BRMS1L: variants seen among roughly 807,000 people sequenced by gnomAD.
BRMS1L encodes BRMS1 like transcriptional repressor, also known as breast cancer metastasis-suppressor 1-like protein.
Under a neutral mutation model 50.3 loss-of-function variants are expected in BRMS1L, and 23 were observed. The observed-to-expected ratio is 0.46, with a 90% CI of 0.33 to 0.65. BRMS1L has a LOEUF of 0.65. Among genes scored for constraint, BRMS1L ranks in the 30% least tolerant of loss-of-function variants. The pLI is 0.02. For missense variants in BRMS1L, 286 were observed against 386.1 expected (o/e 0.74, Z 2.17); for synonymous variants, 114 against 126.9 (o/e 0.90, Z 0.69).
At chr14:35,839,914 C>T (rs1233426798) in intron 4 of BRMS1L, among the ~76,000 whole-genome samples, 1 of 152,034 alleles carries the variant, frequency 6.6e-6, no homozygotes, top group Admixed American at 6.6e-5. Flanking sequence ...ATGTCGAATA[C>T]GAGTGGTGAG....
intron 4 of BRMS1L, among the ~76,000 whole-genome samples, chr14:35,851,598 T>G (rs1334278370): frequency 6.6e-6 from 1 of 152,254 alleles, no homozygotes; most frequent in Non-Finnish European, 1.5e-5. Context: ...CATGTGGTTT[T>G]AATTTTTAAG....
chr14:35,831,262 C>A, intron 1 of BRMS1L, 148 bp from the exon 2 acceptor site: 1 of 592,574 alleles, frequency 1.7e-6, no homozygotes, highest in Non-Finnish European at 3.0e-6. Flanking sequence ...TTTGATAAAT[C>A]TTGTTTATTT....
chr14:35,856,611 T>TGC (rs1555315092), intron 4 of BRMS1L, among the ~76,000 whole-genome samples: 28 of 149,414 alleles, frequency 1.9e-4, no homozygotes, highest in African/African-American at 6.8e-4. Context: ...TACATTTTTT[T>TGC]GGGGGGGGGT....
intron 4 of BRMS1L, among the ~76,000 whole-genome samples, chr14:35,853,617 A>G (rs2078242557): frequency 1.3e-5 from 2 of 152,054 alleles, no homozygotes; most frequent in African/African-American, 4.8e-5. Flanking sequence ...GTACAGGCAC[A>G]GTCTCGCTAT....
intron 4 of BRMS1L, among the ~76,000 whole-genome samples, chr14:35,860,446 T>C (rs2078334676): frequency 6.6e-6 from 1 of 152,148 alleles, no homozygotes; most frequent in Non-Finnish European, 1.5e-5. Context: ...CCTAAACTCA[T>C]TTTTCTCTTG....
At position 35,833,649 on chromosome 14, in the gene BRMS1L, A is replaced by G. The variant is rs1010871329; in HGVS notation, c.361+544A>G. ...AGATGCACTATATTTGTATGGTTAC[A>G]TTTCAGTCTTATGTTTGTAAATAGG... On this transcript the variant is annotated intron_variant, in intron 3 of 9. Coordinates refer to ENST00000216807, the MANE Select transcript of BRMS1L (RefSeq NM_032352.4). Among the ~76,000 whole-genome samples, 31 of 152,170 alleles carry G rather than the reference A, an allele frequency of 2.0e-4. 1 individual carries two copies. Among genetic ancestry groups the G allele is most frequent in the Admixed American group, 2.0e-3 (31 of 15,276 alleles).
chr14:35,864,970 A>G lies in BRMS1L; in HGVS notation c.658A>G (p.Ile220Val). 2 of 1,583,950 alleles carry G rather than the reference A, an allele frequency of 1.3e-6. No homozygotes were observed. Among genetic ancestry groups the G allele is most frequent in the Non-Finnish European group, 1.7e-6 (2 of 1,167,898 alleles). Residue 220 changes from isoleucine (I) to valine (V), a missense_variant, in exon 7 of 10, where the codon ATT (isoleucine) becomes GTT (valine). Coordinates refer to ENST00000216807, the MANE Select transcript of BRMS1L (RefSeq NM_032352.4). ...YIVYMLQDLDILEDWTTIRKA... is the reference protein window; with the variant it reads ...YIVYMLQDLDVLEDWTTIRKA... ...AGTTTATATGCTACAAGATCTTGAT[A>G]TTCTTGAAGACTGGACAACAATTAG...
In BRMS1L at chr14:35,833,005, G is replaced by A. The variant is rs1165627891; in HGVS notation, c.261G>A (p.Val87=). The change falls in exon 3 of 10, where the codon GTG becomes GTA. Residue 87 remains valine (V), a synonymous_variant. Transcript: ENST00000216807. ...TTTATAAAGAACGATTAAGTCAGGT[G>A]GATGCAAAACTACAAGAAGTCATAG... ...DQLYKERLSQ[V]DAKLQEVIAG... is the part of the protein sequence containing the mutation. 6.2e-6 allele frequency: 10 copies of A among 1,612,640 alleles called. No homozygotes were observed. Among genetic ancestry groups the A allele is most frequent in the African/African-American group, 1.3e-5 (1 of 74,876 alleles).
rs1567296200 is a variant in BRMS1L at position 35,826,561 on chromosome 14, C to T, written c.45C>T (p.His15=). 3 of 1,606,240 alleles carry T rather than the reference C, an allele frequency of 1.9e-6. No individual in the cohort carries two copies. Among genetic ancestry groups the T allele is most frequent in the East Asian group, 2.2e-5 (1 of 44,614 alleles). Reference sequence around the variant, plus strand: ...GGGATAAGAAGGAGACCAACCATCACGATGAGATGGAGGTGGACTACGCCG... The same window carrying T: ...GGGATAAGAAGGAGACCAACCATCATGATGAGATGGAGGTGGACTACGCCG... The part of the protein sequence containing the change: ...SRGDKKETNH[H]DEMEVDYAEN... The change falls in exon 1 of 10, where the codon CAC becomes CAT. Residue 15 remains histidine (H), a synonymous_variant. Transcript: ENST00000216807.
In BRMS1L at chr14:35,833,084, C is replaced by G. The variant is rs765795127; in HGVS notation, c.340C>G (p.Gln114Glu). 43 of 1,612,250 alleles carry G rather than the reference C, an allele frequency of 2.7e-5. No homozygotes were observed. The highest frequency in any genetic ancestry group is 5.1e-6 in the Non-Finnish European group (6 of 1,179,010). Residue 114 changes from glutamine to glutamate, a missense_variant, in exon 3 of 10, where the codon CAA becomes GAA. By Grantham distance (29) the Gln-to-Glu change is conservative (BLOSUM62 2). Transcript: ENST00000216807. ...EPLATLQENMQIRTKVAGIYR... is the reference protein window; with the variant it reads ...EPLATLQENMEIRTKVAGIYR... ...GCTGGCAACTTTACAGGAAAATATG[C>G]AAATTCGTACAAAGGTAGCAGGTAG...
Position 35,833,715 on chromosome 14 carries a change from G to GAT in BRMS1L, c.361+619_361+620dup, listed in dbSNP as rs138027774. On this transcript the variant is annotated intron_variant, in intron 3 of 9. Coordinates refer to ENST00000216807, the MANE Select transcript of BRMS1L (RefSeq NM_032352.4). Reference sequence around the variant, plus strand: ...CATGTCCTGGCACTCATAATCAAGGGATATATATATGATTTTTCATAGTCA... The same window carrying GAT: ...CATGTCCTGGCACTCATAATCAAGGGATATATATATATGATTTTTCATAGTCA... Among the ~76,000 whole-genome samples, 33 of 152,112 alleles carry GAT rather than the reference G, an allele frequency of 2.2e-4. 1 individual carries two copies. The East Asian group carries it at 6.0e-3, about 28-fold the overall frequency.
intron 4 of BRMS1L, among the ~76,000 whole-genome samples, chr14:35,844,680 G>A (rs369032971): frequency 5.3e-5 from 8 of 152,120 alleles, no homozygotes; most frequent in South Asian, 2.1e-4. Context: ...GTGGTGATGC[G>A]CGCCTGTAGT....
At chr14:35,858,478 G>T (rs2078309861) in intron 4 of BRMS1L, 1 of 152,142 alleles carries the variant, frequency 6.6e-6, no homozygotes. Context: ...CTAGAAGTTA[G>T]TTTTTTGAGA....
intron 4 of BRMS1L, among the ~76,000 whole-genome samples, chr14:35,861,851 G>A (rs945824347): frequency 6.6e-6 from 1 of 152,102 alleles, no homozygotes; most frequent in Admixed American, 6.5e-5. Context: ...TCCTTCACTA[G>A]AGGTAAACAT....
At position 35,850,473 on chromosome 14, in the gene BRMS1L, G is replaced by C. The variant is rs545158671; in HGVS notation, c.442-12117G>C. 7.9e-5 allele frequency among the ~76,000 whole-genome samples: 12 copies of C among 152,220 alleles called. No individual in the cohort carries two copies. The East Asian group carries it at 2.1e-3, about 27-fold the overall frequency. On this transcript the variant is annotated intron_variant, in intron 4 of 9. Coordinates refer to ENST00000216807, the MANE Select transcript of BRMS1L (RefSeq NM_032352.4). Reference sequence around the variant, plus strand: ...AGCCTCCCAAACTGCTGGGATTACAGGCGTGAGCCACTGTGCCCGGCCTTC... The same window carrying C: ...AGCCTCCCAAACTGCTGGGATTACACGCGTGAGCCACTGTGCCCGGCCTTC...
At chr14:35,830,812 C>G (rs1430047846) in intron 1 of BRMS1L, among the ~76,000 whole-genome samples, 1 of 152,024 alleles carries the variant, frequency 6.6e-6, no homozygotes, top group Non-Finnish European at 1.5e-5. Flanking sequence ...CAAATGTGGG[C>G]TAATTACTTT....
chr14:35,852,519 C>G (rs188840447), intron 4 of BRMS1L, among the ~76,000 whole-genome samples: 1 of 152,210 alleles, frequency 6.6e-6, no homozygotes, highest in Admixed American at 6.5e-5. Flanking sequence ...TGATGTTTGT[C>G]GTTTTCAATA....
At chr14:35,863,153 G>C (rs2078375742) in intron 5 of BRMS1L, among the ~76,000 whole-genome samples, 1 of 152,016 alleles carries the variant, frequency 6.6e-6, no homozygotes, top group Admixed American at 6.6e-5. Context: ...GTTTTTCCTT[G>C]TAAGTCTTGA....
At chr14:35,832,867 A>G in intron 2 of BRMS1L, 111 bp from the exon 3 acceptor site, 1 of 969,406 alleles carries the variant, frequency 1.0e-6, no homozygotes, top group Non-Finnish European at 1.5e-6. Flanking sequence ...AATATATTTG[A>G]TAGATTATTA....
Sources: gnomAD v4.1 joint callset for allele counts (sites outside exome capture counted in the v4.1 genomes callset) on GRCh38, gnomAD v4.1.1 for gene constraint, MANE v1.5 for transcripts, NCBI Gene and HGNC (gene_info 2026-07-23, HGNC 2026-07-21) for gene names.